PABPC4L: variants seen among roughly 807,000 people sequenced by gnomAD.
PABPC4L encodes the protein poly(A) binding protein cytoplasmic 4 like.
For missense variants in PABPC4L, 452 were observed against 451.4 expected, an observed-to-expected ratio of 1.00 and a Z score of -0.01; for synonymous variants, 169 against 164.1, an observed-to-expected ratio of 1.03 and a Z score of -0.23.
At chr4:134,142,055 A>T in the PABPC4L span, among the ~76,000 whole-genome samples, 1 of 151,758 alleles carries the variant, frequency 6.6e-6, no homozygotes, top group Non-Finnish European at 1.5e-5. Context: ...GAGGAAAAAA[A>T]GTGAATTTCT....
chr4:134,142,886 C>G, the PABPC4L span, among the ~76,000 whole-genome samples: 1 of 151,584 alleles, frequency 6.6e-6, no homozygotes, highest in African/African-American at 2.4e-5. Context: ...TGCAATAGCA[C>G]TTAACGTATT....
At chr4:134,140,799 A>AT in the PABPC4L span, among the ~76,000 whole-genome samples, 5 of 151,718 alleles carry the variant, frequency 3.3e-5, no homozygotes, top group South Asian at 4.1e-4. Flanking sequence ...GGACAATGGA[A>AT]TGCACTTGCA....
rs770284938 is a variant in PABPC4L, at chr4:134,200,515, C to A, written c.505G>T (p.Val169Phe). The A allele has an allele frequency of 5.8e-6, 9 of 1,551,524 alleles. No individual in the cohort carries two copies. Among genetic ancestry groups the A allele is most frequent in the Non-Finnish European group, 7.8e-6 (9 of 1,146,994 alleles). ...TCTTTTCGGTTTTTGAATCTGCCAA[C>A]AAACACCTTGCAGCCCTTGAGTAGT... ...GKLLKGCKVF[V>F]GRFKNRKDRE... Residue 169 changes from valine to phenylalanine, a missense_variant, in exon 2 of 2, where the codon GTT becomes TTT. Physicochemically the swap from Val to Phe is conservative, Grantham distance 50 (BLOSUM62 -1). Transcript: ENST00000421491.
the PABPC4L span, among the ~76,000 whole-genome samples, chr4:134,003,900 G>A: frequency 1.3e-5 from 2 of 151,880 alleles, no homozygotes; most frequent in Admixed American, 6.6e-5. Flanking sequence ...GCAGAAATAA[G>A]CTAGGTATGA....
At chr4:134,193,398 A>T (rs972178866), downstream of PABPC4L, among the ~76,000 whole-genome samples, 15 of 152,028 alleles carry the variant, frequency 9.9e-5, no homozygotes, top group Non-Finnish European at 1.5e-4. Context: ...TATATTTTTT[A>T]AAAATATAAA....
the PABPC4L span, among the ~76,000 whole-genome samples, chr4:134,125,953 G>T: frequency 6.6e-6 from 1 of 152,134 alleles, no homozygotes; most frequent in African/African-American, 2.4e-5. Flanking sequence ...CTCTAGAACT[G>T]CAGGGTGTGG....
At chr4:134,178,279 C>T in the PABPC4L span, among the ~76,000 whole-genome samples, 1 of 149,928 alleles carries the variant, frequency 6.7e-6, no homozygotes, top group Non-Finnish European at 1.5e-5. Flanking sequence ...TCCTCCAAGA[C>T]CAGGAATGAA....
chr4:134,084,172 C>T, the PABPC4L span, among the ~76,000 whole-genome samples: 9 of 152,182 alleles, frequency 5.9e-5, no homozygotes, highest in South Asian at 1.9e-3. Flanking sequence ...CCTCAGTTTC[C>T]CAAGTAGCTA....
At chr4:134,002,810 G>T in the PABPC4L span, among the ~76,000 whole-genome samples, 1 of 151,914 alleles carries the variant, frequency 6.6e-6, no homozygotes, top group Non-Finnish European at 1.5e-5. Context: ...AAAATGTGGA[G>T]TAATTAAAAT....
the PABPC4L span, among the ~76,000 whole-genome samples, chr4:134,054,763 T>C: frequency 6.6e-6 from 1 of 152,076 alleles, no homozygotes; most frequent in Non-Finnish European, 1.5e-5. Flanking sequence ...CTGGTATCTA[T>C]GTTCACTTTG....
chr4:134,167,186 A>C, the PABPC4L span, among the ~76,000 whole-genome samples: 1 of 152,076 alleles, frequency 6.6e-6, no homozygotes, highest in Admixed American at 6.6e-5. Flanking sequence ...CCAAGAGTGA[A>C]CCCTAATGCT....
chr4:134,149,240 C>A, the PABPC4L span, among the ~76,000 whole-genome samples: 1 of 151,898 alleles, frequency 6.6e-6, no homozygotes, highest in Non-Finnish European at 1.5e-5. Context: ...AAAAATTAAG[C>A]CAGATAAAGT....
chr4:134,199,831 A>C lies in PABPC4L; in HGVS notation c.*76T>G. 2 of 1,473,824 alleles carry C rather than the reference A, an allele frequency of 1.4e-6. No homozygotes were observed. The highest frequency in any genetic ancestry group is 1.8e-6 in the Non-Finnish European group (2 of 1,105,428). The allele number at this position is 1,473,824 out of a possible 1,614,324, so 91.3% of individuals were successfully genotyped here. ...ATCATGTGGAATATGAAATTTACTG[A>C]GGTCAATTCAGGCAGAGATCACTAT... On this transcript the variant is annotated 3_prime_UTR_variant, in exon 2 of 2. Transcript: ENST00000421491.
At chr4:133,958,140 T>G in the PABPC4L span, among the ~76,000 whole-genome samples, 1 of 152,306 alleles carries the variant, frequency 6.6e-6, no homozygotes, top group South Asian at 2.1e-4. Context: ...CTGCAGATTT[T>G]CCAAACTTTA....
chr4:134,012,735 C>A, the PABPC4L span, among the ~76,000 whole-genome samples: 5 of 152,278 alleles, frequency 3.3e-5, no homozygotes, highest in African/African-American at 1.2e-4. Flanking sequence ...TCAGACCAAC[C>A]AGCCCAAGAA....
chr4:134,032,218 G>C, the PABPC4L span, among the ~76,000 whole-genome samples: 1 of 151,694 alleles, frequency 6.6e-6, no homozygotes, highest in Non-Finnish European at 1.5e-5. Context: ...CATTTGTTTT[G>C]ATTGTTAAAA....
chr4:134,083,231 T>G, the PABPC4L span, among the ~76,000 whole-genome samples: 1 of 152,194 alleles, frequency 6.6e-6, no homozygotes, highest in African/African-American at 2.4e-5. Context: ...AAGATGAAAT[T>G]GGTTCCTCTG....
the PABPC4L span, among the ~76,000 whole-genome samples, chr4:134,190,795 G>C: frequency 6.6e-6 from 1 of 151,966 alleles, no homozygotes; most frequent in Non-Finnish European, 1.5e-5. Context: ...GCAGTTACAG[G>C]TGCACCTCAC....
the PABPC4L span, among the ~76,000 whole-genome samples, chr4:134,112,088 AAAAAAT>A: frequency 6.6e-6 from 1 of 152,000 alleles, no homozygotes; most frequent in Non-Finnish European, 1.5e-5. Flanking sequence ...TACTCAGAAG[AAAAAAT>A]ACACATTGCA....
Sources: allele counts gnomAD v4.1 joint callset (sites outside exome capture counted in the v4.1 genomes callset), GRCh38; gene constraint gnomAD v4.1.1; transcripts MANE v1.5; gene names NCBI Gene and HGNC (gene_info 2026-07-23, HGNC 2026-07-21).